CUBN: variants seen among roughly 807,000 people sequenced by gnomAD.
The protein encoded by CUBN is cubilin, also known as 460 kDa receptor.
Under a neutral mutation model 405.3 loss-of-function variants are expected in CUBN, and 282 were observed. The observed-to-expected ratio is 0.70, with a 90% CI of 0.63 to 0.77. CUBN has a LOEUF of 0.77. Ranked by LOEUF, CUBN falls within the 30% of genes least tolerant of loss-of-function variation. The pLI is 0.00. For missense variants in CUBN, 4,514 were observed against 4,475.2 expected, an observed-to-expected ratio of 1.01 and a Z score of -0.25; for synonymous variants, 1,684 against 1,617.0, an observed-to-expected ratio of 1.04 and a Z score of -0.99.
chr10:17,107,305 T>C (rs578058587), intron 10 of CUBN, among the ~76,000 whole-genome samples: 1 of 152,336 alleles, frequency 6.6e-6, no homozygotes, highest in Non-Finnish European at 1.5e-5. Flanking sequence ...TGCAGAAATA[T>C]ATGTTCTTTC....
intron 48 of CUBN, among the ~76,000 whole-genome samples, chr10:16,909,651 A>G (rs1302722923): frequency 1.3e-5 from 2 of 152,226 alleles, no homozygotes; most frequent in Non-Finnish European, 2.9e-5. Flanking sequence ...CCTTTGGCAT[A>G]GAATCACAAT....
chr10:16,826,306 A>G (rs11254230), intron 66 of CUBN, among the ~76,000 whole-genome samples: 1 of 112,272 alleles, frequency 8.9e-6, no homozygotes, highest in African/African-American at 4.1e-5. Context: ...ATATTTACAT[A>G]CATAAAAAGT....
rs142434839 is a variant in CUBN, at chr10:17,015,296, A to C, written c.4168+4537T>G. ...TTCCAGTGTCCAGACTCCAGGGTTGATTCCCTCCTCAAGTAGGGGAAAACA... is the reference window on the plus strand; with the variant it reads ...TTCCAGTGTCCAGACTCCAGGGTTGCTTCCCTCCTCAAGTAGGGGAAAACA... On this transcript the variant is annotated intron_variant, in intron 28 of 66. Coordinates refer to ENST00000377833, the MANE Select transcript of CUBN (RefSeq NM_001081.4). Among the ~76,000 whole-genome samples the C allele has an allele frequency of 4.8e-3, 724 of 152,260 alleles. 4 individuals are homozygous for C. Among genetic ancestry groups the C allele is most frequent in the East Asian group, 0.033 (171 of 5,168 alleles).
intron 29 of CUBN, among the ~76,000 whole-genome samples, chr10:16,985,719 G>A (rs1320231421): frequency 1.3e-5 from 2 of 152,234 alleles, no homozygotes; most frequent in African/African-American, 4.8e-5. Flanking sequence ...GGGTTTGAGG[G>A]CACCACAGCC....
chr10:16,915,691 C>G, intron 46 of CUBN, 130 bp downstream of exon 46: 3 of 783,768 alleles, frequency 3.8e-6, no homozygotes, highest in South Asian at 1.5e-5. Context: ...CTGCCCAAAG[C>G]TCATTAGTCT....
chr10:16,968,454 T>C (rs966510359), intron 31 of CUBN, among the ~76,000 whole-genome samples: 1 of 152,194 alleles, frequency 6.6e-6, no homozygotes. Context: ...TAGCCCTCGT[T>C]TGTGTTTTCC....
chr10:17,063,327 C>T (rs1447254550), intron 22 of CUBN, among the ~76,000 whole-genome samples: 2 of 152,154 alleles, frequency 1.3e-5, no homozygotes, highest in Admixed American at 6.5e-5. Context: ...AGTGACCAGC[C>T]GGGCTCAGCC....
intron 17 of CUBN, among the ~76,000 whole-genome samples, chr10:17,072,193 A>C (rs774960435): frequency 6.6e-6 from 1 of 152,220 alleles, no homozygotes; most frequent in Non-Finnish European, 1.5e-5. Context: ...CAAAAGCACA[A>C]GAATTTAAAG....
intron 31 of CUBN, among the ~76,000 whole-genome samples, chr10:16,961,708 T>C (rs1402411800): frequency 3.3e-5 from 2 of 60,354 alleles, no homozygotes; most frequent in Non-Finnish European, 7.2e-5. Context: ...CAATCCCTTT[T>C]TTTTTTTTTT....
intron 43 of CUBN, among the ~76,000 whole-genome samples, chr10:16,923,195 T>A (rs1295604918): frequency 6.6e-6 from 1 of 151,944 alleles, no homozygotes; most frequent in Admixed American, 6.6e-5. Context: ...CACTGTGAAC[T>A]CCTTGGCAGA....
At chr10:16,986,033 TG>T (rs1427982291) in intron 29 of CUBN, among the ~76,000 whole-genome samples, 1 of 152,190 alleles carries the variant, frequency 6.6e-6, no homozygotes, top group East Asian at 1.9e-4. Context: ...TGTGTGGGGC[TG>T]GGGAGGGTGG....
intron 44 of CUBN, among the ~76,000 whole-genome samples, chr10:16,919,216 C>T (rs1483019209): frequency 6.6e-6 from 1 of 152,204 alleles, no homozygotes; most frequent in East Asian, 1.9e-4. Context: ...AGCGTCCCAA[C>T]TGGAATTTTC....
chr10:17,006,192 C>T (rs901946968), intron 28 of CUBN, among the ~76,000 whole-genome samples: 7 of 152,164 alleles, frequency 4.6e-5, no homozygotes, highest in Non-Finnish European at 1.0e-4. Context: ...AGACAACAAG[C>T]CCAAAATATG....
At chr10:17,110,504 C>T (rs906901887) in intron 9 of CUBN, among the ~76,000 whole-genome samples, 2 of 152,122 alleles carry the variant, frequency 1.3e-5, no homozygotes, top group African/African-American at 2.4e-5. Context: ...TGTACTATTT[C>T]CTCTCCTAAG....
intron 43 of CUBN, among the ~76,000 whole-genome samples, chr10:16,923,346 G>C (rs1273818774): frequency 6.6e-6 from 1 of 152,108 alleles, no homozygotes; most frequent in South Asian, 2.1e-4. Flanking sequence ...AGTGTCTCTG[G>C]AGAAAAATGG....
At position 16,940,831 on chromosome 10, in the gene CUBN, G is replaced by C. The variant is rs80211342; in HGVS notation, c.5343-594C>G. ...AAAGAAACCATTAAAACATGTAACT[G>C]GGGCAATATGATGGGATCATTTAGG... On this transcript the variant is annotated intron_variant, in intron 36 of 66. Coordinates refer to ENST00000377833, the MANE Select transcript of CUBN (RefSeq NM_001081.4). Among the ~76,000 whole-genome samples the C allele has an allele frequency of 3.3e-3, 500 of 152,256 alleles. 4 individuals are homozygous for C. The highest frequency in any genetic ancestry group is 0.012 in the African/African-American group (484 of 41,560).
intron 17 of CUBN, among the ~76,000 whole-genome samples, chr10:17,083,445 T>C (rs888359721): frequency 1.3e-5 from 2 of 152,082 alleles, no homozygotes; most frequent in Non-Finnish European, 2.9e-5. Flanking sequence ...GCAGAGGTTG[T>C]GGTGAGCTGA....
chr10:17,114,356 A>AC (rs1195448984), intron 7 of CUBN, among the ~76,000 whole-genome samples, 167 bp from the exon 8 acceptor site: 2 of 152,186 alleles, frequency 1.3e-5, no homozygotes, highest in East Asian at 1.9e-4. Context: ...TTTAGACCAG[A>AC]CCATGCAAAA....
At chr10:17,123,194 T>G (rs1272200820) in intron 5 of CUBN, among the ~76,000 whole-genome samples, 2 of 148,710 alleles carry the variant, frequency 1.3e-5, no homozygotes, top group Non-Finnish European at 3.0e-5. Context: ...CTTACTTAAC[T>G]TTTTTTTTTA....
Sources: gnomAD v4.1 joint callset for allele counts (sites outside exome capture counted in the v4.1 genomes callset) on GRCh38, gnomAD v4.1.1 for gene constraint, MANE v1.5 for transcripts, NCBI Gene and HGNC (gene_info 2026-07-23, HGNC 2026-07-21) for gene names.